Variants in WIZ observed in about 807,000 individuals in gnomAD.
The protein encoded by WIZ is WIZ zinc finger, also known as protein Wiz.
WIZ carries 25 observed loss-of-function variants against 140.2 expected under a neutral mutation model. That is an observed-to-expected ratio of 0.18 (90% CI 0.13 to 0.25). The LOEUF (loss-of-function observed/expected upper bound fraction) is 0.25, where lower values mean the gene tolerates loss of function less well. Among genes scored for constraint, WIZ ranks in the 10% least tolerant of loss-of-function variants. The pLI is 1.00. For missense variants in WIZ, 2,231 were observed against 2,632.6 expected (o/e 0.85, Z 3.34); for synonymous variants, 1,125 against 1,154.3 (o/e 0.97, Z 0.51).
At chr19:15,426,944 C>T in intron 9 of WIZ, 38 bp downstream of exon 9, 1 of 1,568,496 alleles carries the variant, frequency 6.4e-7, no homozygotes. Context: ...GAGACCCCTC[C>T]AACTGTTCTC....
At chr19:15,445,088 G>A (rs941731837) in intron 2 of WIZ, among the ~76,000 whole-genome samples, 7 of 152,272 alleles carry the variant, frequency 4.6e-5, no homozygotes, top group African/African-American at 1.7e-4. Context: ...GGATCCAGGA[G>A]TCCCTACGGG....
Position 15,428,073 on chromosome 19 carries a change from C to T in WIZ, c.3814+37G>A. ...CCCCCCCCGGGAGGGGCTCCAGGGC[C>T]CGCAGTGAGGAGGGGGCAGCTGAAG... On this transcript the variant is annotated intron_variant, in intron 8 of 12. Coordinates refer to ENST00000673675, the MANE Select transcript of WIZ (RefSeq NM_001371589.1). The surrounding 1 kb of genome is among the most constrained non-coding windows in gnomAD (Gnocchi z 6.4). 2 of 1,529,204 alleles carry T rather than the reference C, an allele frequency of 1.3e-6. No homozygotes were observed. The highest frequency in any genetic ancestry group is 1.7e-6 in the Non-Finnish European group (2 of 1,144,604). 94.7% of individuals were successfully genotyped at this position (1,529,204 alleles called of 1,614,324 possible). A position where few individuals can be genotyped will look rare whatever the true frequency, so the allele number is the denominator to read the frequency against.
intron 9 of WIZ, 89 bp downstream of exon 9, chr19:15,426,893 A>T (rs1397702522): frequency 2.0e-6 from 3 of 1,474,890 alleles, no homozygotes; most frequent in Non-Finnish European, 2.7e-6. Context: ...CTTCCAATTC[A>T]ACCCTAGGCA....
chr19:15,427,118 C>T lies in WIZ; in HGVS notation c.4230G>A (p.Leu1410=). The change falls in exon 9 of 13, where the codon TTG becomes TTA. Residue 1410 remains leucine (L), a synonymous_variant. Coordinates refer to ENST00000673675, the MANE Select transcript of WIZ (RefSeq NM_001371589.1). This position sits in a 1 kb window ranked among gnomAD's most constrained non-coding sequence, Gnocchi z 6.4. ...TTTGTTCAGGCTTCAGCTTCTTGGG[C>T]AAGGAGGGTGCAGCCAGGCCTGGGA... ...KMFPGLAAPS[L]PKKLKPEQIR... 2 of 1,614,202 alleles carry T rather than the reference C, an allele frequency of 1.2e-6. No homozygotes were observed. The highest frequency in any genetic ancestry group is 1.7e-6 in the Non-Finnish European group (2 of 1,180,022).
In WIZ at chr19:15,439,171, T is replaced by G; in HGVS notation, c.1823A>C (p.Glu608Ala). The change falls in exon 4 of 13, where the codon GAA becomes GCA. Residue 608 changes from glutamate to alanine, a missense_variant. Transcript: ENST00000673675. This position sits in a 1 kb window ranked among gnomAD's most constrained non-coding sequence, Gnocchi z 7.0. ...CTCTTCGCTCCAAGGGCGCCTCCGT[T>G]CCCCCAGCCCTTGTGGGTGGACGGT... ...KSTVHPQGLG[E>A]RRRPWSEEEE... is the part of the protein sequence containing the mutation. The G allele has an allele frequency of 6.5e-7, 1 of 1,533,290 alleles. No individual in the cohort carries two copies. The highest frequency in any genetic ancestry group is 2.0e-5 in the Admixed American group (1 of 50,690). The allele number at this position is 1,533,290 out of a possible 1,614,324, so 95.0% of individuals were successfully genotyped here. A position where few individuals can be genotyped will look rare whatever the true frequency, so the allele number is the denominator to read the frequency against.
rs1968487918 is a variant in WIZ, at chr19:15,423,243, G to A, written c.5511-8C>T. On this transcript the variant is annotated splice_polypyrimidine_tract_variant and splice_region_variant and intron_variant, in intron 12 of 12. Coordinates refer to ENST00000673675, the MANE Select transcript of WIZ (RefSeq NM_001371589.1). ...AATTCCACCTCACAGAACCTGCATG[G>A]GGGAACAGAGAGAGGGAGTGGCCAG... 1 of 1,612,628 alleles carries A rather than the reference G, an allele frequency of 6.2e-7. No homozygotes were observed. Among genetic ancestry groups the A allele is most frequent in the African/African-American group, 1.3e-5 (1 of 75,026 alleles).
chr19:15,446,046 T>G (rs917987316), intron 2 of WIZ, among the ~76,000 whole-genome samples: 2 of 152,076 alleles, frequency 1.3e-5, no homozygotes, highest in African/African-American at 4.8e-5. Flanking sequence ...AACCCAGGCA[T>G]TCTTCCAACA....
In WIZ at chr19:15,440,729, C is replaced by G. The variant is rs1969712564; in HGVS notation, c.279-14G>C. On this transcript the variant is annotated splice_polypyrimidine_tract_variant and intron_variant, in intron 3 of 12. Coordinates refer to ENST00000673675, the MANE Select transcript of WIZ (RefSeq NM_001371589.1). This position sits in a 1 kb window ranked among gnomAD's most constrained non-coding sequence, Gnocchi z 6.2. ...CCATCCCAGCAGCTGCAAGGAAGTG[C>G]CAATGGGGACAGGTTAGCCATGGGC... is the stretch of plus-strand genomic sequence containing the variant. 1 of 1,473,540 alleles carries G rather than the reference C, an allele frequency of 6.8e-7. No homozygotes were observed. The highest frequency in any genetic ancestry group is 9.0e-7 in the Non-Finnish European group (1 of 1,114,350). The allele number at this position is 1,473,540 out of a possible 1,614,324, so 91.3% of individuals were successfully genotyped here. A position where few individuals can be genotyped will look rare whatever the true frequency, so the allele number is the denominator to read the frequency against.
intron 1 of WIZ, among the ~76,000 whole-genome samples, 190 bp from the exon 2 acceptor site, chr19:15,448,557 G>C (rs1437264262): frequency 1.3e-5 from 2 of 151,872 alleles, no homozygotes; most frequent in Admixed American, 1.3e-4. Context: ...CCCTCAGCAT[G>C]CCTCCGTCTC....
In WIZ at chr19:15,439,723, A is replaced by C. The variant is rs761741468; in HGVS notation, c.1271T>G (p.Met424Arg). 6.1e-6 allele frequency: 9 copies of C among 1,479,122 alleles called. No homozygotes were observed. The African/African-American group carries it at 1.3e-4, about 21-fold the overall frequency. 91.6% of individuals were successfully genotyped at this position (1,479,122 alleles called of 1,614,324 possible). A position where few individuals can be genotyped will look rare whatever the true frequency, so the allele number is the denominator to read the frequency against. Residue 424 changes from methionine to arginine, a missense_variant, in exon 4 of 13, where the codon ATG becomes AGG. Transcript: ENST00000673675. This position sits in a 1 kb window ranked among gnomAD's most constrained non-coding sequence, Gnocchi z 7.0. Reference protein sequence around the residue: ...RAYVQHAKLHMREPPGQTTKE... With the variant: ...RAYVQHAKLHRREPPGQTTKE... ...GGTGGTCTGGCCTGGGGGCTCACGC[A>C]TGTGCAGCTTGGCATGCTGCACATA...
Position 15,425,037 on chromosome 19 carries a change from G to A in WIZ, c.4895-5C>T, listed in dbSNP as rs546476372. ...GCTCGCAGCAGGCCTCGGTGGCTGC[G>A]GGGCGGAGGGGGTGCTGCTGAGTCA... On this transcript the variant is annotated splice_polypyrimidine_tract_variant and splice_region_variant and intron_variant, in intron 10 of 12. Coordinates refer to ENST00000673675, the MANE Select transcript of WIZ (RefSeq NM_001371589.1). The A allele has an allele frequency of 4.3e-5, 67 of 1,563,966 alleles. No homozygotes were observed. In the East Asian group the frequency reaches 4.4e-4, roughly 10 times the overall value.
chr19:15,438,013 GCA>G (rs962602177), intron 4 of WIZ, among the ~76,000 whole-genome samples: 1 of 151,144 alleles, frequency 6.6e-6, no homozygotes, highest in Non-Finnish European at 1.5e-5. Flanking sequence ...ACACACACAC[GCA>G]CACACACACA....
In WIZ at chr19:15,448,342, C is replaced by A; in HGVS notation, c.-35G>T. The A allele has an allele frequency of 6.2e-7, 1 of 1,606,734 alleles. No homozygotes were observed. The highest frequency in any genetic ancestry group is 8.5e-7 in the Non-Finnish European group (1 of 1,179,424). On this transcript the variant is annotated 5_prime_UTR_variant, in exon 2 of 13. Transcript: ENST00000673675. ...TCTGCTTGGATCCACTCAGCTGCTG[C>A]ACCGGCTCAGCGGGGCATTGTGGGC... is the stretch of plus-strand genomic sequence containing the variant.
intron 6 of WIZ, 91 bp downstream of exon 6, chr19:15,430,921 G>T: frequency 7.1e-7 from 1 of 1,403,728 alleles, no homozygotes; most frequent in Non-Finnish European, 9.3e-7. Context: ...GGGCAACCTT[G>T]GGCCCCACAT....
Position 15,440,471 on chromosome 19 carries a change from C to G in WIZ, c.523G>C (p.Glu175Gln). The change falls in exon 4 of 13, where the codon GAG (glutamate) becomes CAG (glutamine). Residue 175 changes from glutamate to glutamine, a missense_variant. By Grantham distance (29) the Glu-to-Gln change is conservative. Transcript: ENST00000673675. The surrounding 1 kb of genome is among the most constrained non-coding windows in gnomAD (Gnocchi z 6.2). ...CTGGGGCGGCCCTGGGCATGTTTCTCCAAAAGCCTTGGTTCCCCCCGGTGG... is the reference window on the plus strand; with the variant it reads ...CTGGGGCGGCCCTGGGCATGTTTCTGCAAAAGCCTTGGTTCCCCCCGGTGG... ...LHHRGEPRLL[E>Q]KHAQGRPRFD... The G allele has an allele frequency of 6.5e-7, 1 of 1,536,116 alleles. No individual in the cohort carries two copies. The highest frequency in any genetic ancestry group is 2.4e-5 in the East Asian group (1 of 40,920).
chr19:15,442,109 C>T lies in WIZ; in HGVS notation c.278+567G>A, dbSNP rs1175725239. On this transcript the variant is annotated intron_variant, in intron 3 of 12. Coordinates refer to ENST00000673675, the MANE Select transcript of WIZ (RefSeq NM_001371589.1). This position sits in a 1 kb window ranked among gnomAD's most constrained non-coding sequence, Gnocchi z 5.5. ...AGCTGAGGCAGGAGAATCGCTTGAA[C>T]CCAGGAGGTGGAGGTTGCAGTGAGC... is the stretch of plus-strand genomic sequence containing the variant. Among the ~76,000 whole-genome samples the T allele has an allele frequency of 6.6e-6, 1 of 151,834 alleles. No homozygotes were observed. Among genetic ancestry groups the T allele is most frequent in the East Asian group, 1.9e-4 (1 of 5,168 alleles).
rs773377693 is a variant in WIZ, at chr19:15,424,390, AGGGGGAC to A, written c.5315-19_5315-13del. 1.3e-6 allele frequency: 2 copies of A among 1,597,934 alleles called. No individual in the cohort carries two copies. The highest frequency in any genetic ancestry group is 2.7e-5 in the African/African-American group (2 of 73,330). The stretch of plus-strand genomic sequence containing the variant: ...TCGGCGTTCAAATTCTAAGGTGGAG[AGGGGGAC>A]GGGAGATGAGTGGGAGGGGTGGATG... On this transcript the variant is annotated splice_polypyrimidine_tract_variant and intron_variant, in intron 11 of 12. Transcript: ENST00000673675. This position sits in a 1 kb window ranked among gnomAD's most constrained non-coding sequence, Gnocchi z 9.7.
chr19:15,440,551 A>G lies in WIZ; in HGVS notation c.443T>C (p.Ile148Thr), dbSNP rs1224926408. Residue 148 changes from isoleucine (I) to threonine (T), a missense_variant, in exon 4 of 13, where the codon ATT becomes ACT. By Grantham distance (89) the Ile-to-Thr change is moderately conservative. This residue lies in a region of WIZ where 307 missense variants were observed against 294.1 expected (regional missense o/e 1.04). Coordinates refer to ENST00000673675, the MANE Select transcript of WIZ (RefSeq NM_001371589.1). This position sits in a 1 kb window ranked among gnomAD's most constrained non-coding sequence, Gnocchi z 6.2. ...LSERRFEDSV[I>T]VRTMKPHAEL... ...AGCGTGGGGTTTCATGGTTCTCACA[A>G]TGACTGAGTCCTCGAATCTCCGCTC... 1.9e-5 allele frequency: 29 copies of G among 1,536,020 alleles called. No individual in the cohort carries two copies. The highest frequency in any genetic ancestry group is 2.2e-5 in the Non-Finnish European group (25 of 1,146,900).
chr19:15,445,869 C>T (rs1449246950), intron 2 of WIZ, among the ~76,000 whole-genome samples: 1 of 151,982 alleles, frequency 6.6e-6, no homozygotes, highest in Admixed American at 6.6e-5. Flanking sequence ...TTGGGGGGCT[C>T]TGAGGGCTGA....
Sources: allele counts gnomAD v4.1 joint callset (sites outside exome capture counted in the v4.1 genomes callset), GRCh38; gene constraint gnomAD v4.1.1; regional missense constraint gnomAD v4.1.1; non-coding constraint Gnocchi (gnomAD v3.1); transcripts MANE v1.5; gene names NCBI Gene and HGNC (gene_info 2026-07-23, HGNC 2026-07-21).